ARHGAP18: variants seen among roughly 807,000 people sequenced by gnomAD.
ARHGAP18 encodes rho GTPase-activating protein 18.
A neutral mutation model predicts 86.2 loss-of-function variants in ARHGAP18; 67 were observed. The observed-to-expected ratio is 0.78, with a 90% CI of 0.64 to 0.95. The LOEUF is 0.95. ARHGAP18 is among the 40% of genes least tolerant of loss of function. The pLI, the probability that ARHGAP18 is intolerant of heterozygous loss-of-function variation, is 0.00. For missense variants in ARHGAP18, 691 were observed against 780.4 expected (o/e 0.89, Z 1.37); for synonymous variants, 283 against 280.4 (o/e 1.01, Z -0.09).
At chr6:129,661,084 TTC>T (rs1773941478) in intron 1 of ARHGAP18, among the ~76,000 whole-genome samples, 1 of 150,952 alleles carries the variant, frequency 6.6e-6, no homozygotes, top group Admixed American at 6.6e-5. Context: ...TATAAAGAAC[TTC>T]TTTTTATGAT....
At chr6:129,620,622 T>C (rs1028472976) in intron 5 of ARHGAP18, among the ~76,000 whole-genome samples, 2 of 152,262 alleles carry the variant, frequency 1.3e-5, no homozygotes, top group Admixed American at 1.3e-4. Flanking sequence ...GGGTTTACCT[T>C]TGAATTTTTC....
intron 13 of ARHGAP18, among the ~76,000 whole-genome samples, chr6:129,583,091 A>T (rs1393782472): frequency 6.6e-6 from 1 of 152,250 alleles, no homozygotes; most frequent in Non-Finnish European, 1.5e-5. Flanking sequence ...GTGCTTTAGC[A>T]GAAAGCTTGA....
chr6:129,693,818 CA>C (rs1389280866), intron 1 of ARHGAP18, among the ~76,000 whole-genome samples: 1 of 152,160 alleles, frequency 6.6e-6, no homozygotes, highest in Non-Finnish European at 1.5e-5. Flanking sequence ...GAGGATTAAA[CA>C]AATTCCATCT....
intron 1 of ARHGAP18, among the ~76,000 whole-genome samples, chr6:129,685,080 C>G (rs186021596): frequency 2.6e-5 from 4 of 152,260 alleles, no homozygotes; most frequent in Admixed American, 2.6e-4. Flanking sequence ...GCCTCTGGAA[C>G]CAGGCTGCCA....
intron 1 of ARHGAP18, among the ~76,000 whole-genome samples, chr6:129,681,951 A>C (rs1481282379): frequency 6.6e-6 from 1 of 152,202 alleles, no homozygotes; most frequent in African/African-American, 2.4e-5. Context: ...CTCATCAAGT[A>C]ATGTCCTTTC....
intron 14 of ARHGAP18, among the ~76,000 whole-genome samples, chr6:129,579,544 T>C (rs1393151171): frequency 6.6e-6 from 1 of 152,216 alleles, no homozygotes; most frequent in Non-Finnish European, 1.5e-5. Context: ...GACTCACTGA[T>C]AATTACAAAA....
intron 1 of ARHGAP18, among the ~76,000 whole-genome samples, chr6:129,655,455 C>T (rs1047183827): frequency 6.6e-6 from 1 of 151,828 alleles, no homozygotes; most frequent in Non-Finnish European, 1.5e-5. Flanking sequence ...AGTATTTATG[C>T]TGTATCACAG....
At chr6:129,664,376 T>A (rs1180397950) in intron 1 of ARHGAP18, among the ~76,000 whole-genome samples, 1 of 152,156 alleles carries the variant, frequency 6.6e-6, no homozygotes, top group African/African-American at 2.4e-5. Flanking sequence ...ATTTCCTCAT[T>A]TGTAAAATAG....
intron 1 of ARHGAP18, among the ~76,000 whole-genome samples, chr6:129,656,451 G>A (rs1427550244): frequency 6.6e-6 from 1 of 152,110 alleles, no homozygotes; most frequent in Non-Finnish European, 1.5e-5. Context: ...GACCAGCTAG[G>A]CCAATATGGT....
At position 129,661,972 on chromosome 6, in the gene ARHGAP18, CCACACA is replaced by C. The variant is rs5879958; in HGVS notation, c.114-19960_114-19955del. The C allele has an allele frequency of 4.2e-5, 37 of 883,334 alleles. No individual in the cohort carries two copies. The East Asian group carries it at 4.8e-4, about 12-fold the overall frequency. The allele number at this position is 883,334 out of a possible 1,614,324, so 54.7% of individuals were successfully genotyped here. On this transcript the variant is annotated intron_variant, in intron 1 of 14. Coordinates refer to ENST00000368149, the MANE Select transcript of ARHGAP18 (RefSeq NM_033515.3). ...ACACTGTTGTCACTACCTGGTGTTGCCACACACACACACACACACAGAACACAAAGC... is the reference window on the plus strand; with the variant it reads ...ACACTGTTGTCACTACCTGGTGTTGCCACACACACACACAGAACACAAAGC...
chr6:129,673,505 G>A (rs1049840698), intron 1 of ARHGAP18, among the ~76,000 whole-genome samples: 7 of 152,176 alleles, frequency 4.6e-5, no homozygotes, highest in African/African-American at 1.7e-4. Flanking sequence ...ACATTTCTAA[G>A]TGTGCCTGCA....
intron 1 of ARHGAP18, among the ~76,000 whole-genome samples, chr6:129,698,717 G>A (rs1016538555): frequency 2.8e-5 from 4 of 140,568 alleles, no homozygotes; most frequent in Admixed American, 7.3e-5. Flanking sequence ...TTTTTGAGAC[G>A]GAGTTTTGTT....
At chr6:129,608,464 TA>T (rs574523166) in intron 8 of ARHGAP18, among the ~76,000 whole-genome samples, 1 of 152,168 alleles carries the variant, frequency 6.6e-6, no homozygotes, top group African/African-American at 2.4e-5. Context: ...GTATATTACA[TA>T]AAAAAATACA....
At chr6:129,690,913 C>T (rs1774516552) in intron 1 of ARHGAP18, among the ~76,000 whole-genome samples, 1 of 152,126 alleles carries the variant, frequency 6.6e-6, no homozygotes, top group Non-Finnish European at 1.5e-5. Context: ...TCAATGCTAT[C>T]ATTACTTATT....
At chr6:129,656,599 G>A (rs907026419) in intron 1 of ARHGAP18, among the ~76,000 whole-genome samples, 1 of 151,958 alleles carries the variant, frequency 6.6e-6, no homozygotes, top group African/African-American at 2.4e-5. Context: ...AGCCGAGATC[G>A]CACCACTGCA....
intron 3 of ARHGAP18, among the ~76,000 whole-genome samples, chr6:129,637,674 A>T (rs1286786081): frequency 6.6e-6 from 1 of 152,178 alleles, no homozygotes; most frequent in African/African-American, 2.4e-5. Flanking sequence ...CCATATTCAA[A>T]AAAGGCAAAC....
At chr6:129,684,451 C>A (rs994589793) in intron 1 of ARHGAP18, among the ~76,000 whole-genome samples, 3 of 152,316 alleles carry the variant, frequency 2.0e-5, no homozygotes, top group Admixed American at 6.5e-5. Flanking sequence ...ATATAAGTGA[C>A]TTTTGCCTCC....
chr6:129,620,739 G>A (rs1441671622), intron 5 of ARHGAP18, among the ~76,000 whole-genome samples: 2 of 152,148 alleles, frequency 1.3e-5, no homozygotes, highest in African/African-American at 4.8e-5. Flanking sequence ...AAATGCTAGG[G>A]CAAAAGACAT....
rs1788218225 is a variant in ARHGAP18, at chr6:129,578,203, CCA to C, written c.*308_*309del. On this transcript the variant is annotated 3_prime_UTR_variant, in exon 15 of 15. Coordinates refer to ENST00000368149, the MANE Select transcript of ARHGAP18 (RefSeq NM_033515.3). ...AAAAGAATGGGAAGAGAAGACATTT[CCA>C]CATATTAAAAAAAAAAACTATGTCA... 1 of 155,656 alleles carries C rather than the reference CCA, an allele frequency of 6.4e-6. No individual in the cohort carries two copies. The highest frequency in any genetic ancestry group is 6.5e-5 in the Admixed American group (1 of 15,358). 9.6% of individuals were successfully genotyped at this position (155,656 alleles called of 1,614,324 possible).
Sources: allele counts gnomAD v4.1 joint callset (sites outside exome capture counted in the v4.1 genomes callset), GRCh38; gene constraint gnomAD v4.1.1; transcripts MANE v1.5; gene names NCBI Gene and HGNC (gene_info 2026-07-23, HGNC 2026-07-21).